PKNOX2: variants seen among roughly 807,000 people sequenced by gnomAD.
PKNOX2 encodes the protein homeobox protein PKNOX2.
PKNOX2 carries 14 observed loss-of-function variants against 53.1 expected under a neutral mutation model. That is an observed-to-expected ratio of 0.26 (90% CI 0.17 to 0.41). PKNOX2 has a LOEUF of 0.41. Ranked by LOEUF, PKNOX2 falls within the 10% of genes least tolerant of loss-of-function variation. The pLI is 1.00. For missense variants in PKNOX2, 496 were observed against 602.8 expected (o/e 0.82, Z 1.85); for synonymous variants, 257 against 242.8 (o/e 1.06, Z -0.54).
chr11:125,200,605 C>A (rs933998129), intron 1 of PKNOX2, among the ~76,000 whole-genome samples: 4 of 152,344 alleles, frequency 2.6e-5, no homozygotes, highest in African/African-American at 9.6e-5. Context: ...CCAACCTCCC[C>A]CTGGCCCTCC....
rs546278784 is a variant in PKNOX2 at position 125,300,415 on chromosome 11, C to T, written c.-129-31404C>T. On this transcript the variant is annotated intron_variant, in intron 2 of 12. Coordinates refer to ENST00000298282, the MANE Select transcript of PKNOX2 (RefSeq NM_001382323.2). ...AGTATCCCCATTTTACAGATGAGGC[C>T]ATTGAGGCAGAGAGAGGTTAAGCAG... Among the ~76,000 whole-genome samples the T allele has an allele frequency of 2.2e-3, 337 of 152,264 alleles. 2 individuals carry two copies. The highest frequency in any genetic ancestry group is 3.9e-3 in the Non-Finnish European group (264 of 68,030).
In PKNOX2 at chr11:125,264,178, A is replaced by G. The variant is rs868616813; in HGVS notation, c.-130+29063A>G. On this transcript the variant is annotated intron_variant, in intron 2 of 12. Transcript: ENST00000298282. Reference sequence around the variant, plus strand: ...ATTATGGGAGCTACAAGGGACCTCCATCCATTTTCTGGATAAGGAACCGGG... The same window carrying G: ...ATTATGGGAGCTACAAGGGACCTCCGTCCATTTTCTGGATAAGGAACCGGG... Among the ~76,000 whole-genome samples the G allele has an allele frequency of 6.8e-4, 103 of 152,196 alleles. 1 individual carries two copies. Among genetic ancestry groups the G allele is most frequent in the South Asian group, 1.2e-3 (6 of 4,826 alleles).
intron 10 of PKNOX2, among the ~76,000 whole-genome samples, chr11:125,423,055 C>T (rs979412180): frequency 6.6e-6 from 1 of 151,892 alleles, no homozygotes; most frequent in African/African-American, 2.4e-5. Flanking sequence ...CACACACACA[C>T]ACACACATAT....
At chr11:125,343,131 TA>T (rs1277678302) in intron 3 of PKNOX2, among the ~76,000 whole-genome samples, 2 of 151,176 alleles carry the variant, frequency 1.3e-5, no homozygotes, top group Admixed American at 1.3e-4. Flanking sequence ...GGGTGAACAA[TA>T]GGGGGAGGGG....
chr11:125,320,973 A>T (rs145746807), intron 2 of PKNOX2, among the ~76,000 whole-genome samples: 1 of 152,298 alleles, frequency 6.6e-6, no homozygotes, highest in East Asian at 1.9e-4. Context: ...TTTGGATGAT[A>T]TATTGTGGGG....
At chr11:125,421,258 C>T (rs1480907047) in intron 10 of PKNOX2, among the ~76,000 whole-genome samples, 2 of 152,114 alleles carry the variant, frequency 1.3e-5, no homozygotes, top group Non-Finnish European at 2.9e-5. Flanking sequence ...AAGAGTGTGT[C>T]CAGGCACTAG....
chr11:125,431,417 C>A lies in PKNOX2; in HGVS notation c.*25C>A. ...GTCGGGCAGCCCAGATGGCACTGAT[C>A]ACTGAGCAGGAGAGGAGTGTCGCCG... On this transcript the variant is annotated 3_prime_UTR_variant, in exon 13 of 13. Transcript: ENST00000298282. 1 of 1,543,214 alleles carries A rather than the reference C, an allele frequency of 6.5e-7. No homozygotes were observed. The highest frequency in any genetic ancestry group is 1.2e-5 in the South Asian group (1 of 86,740).
chr11:125,407,252 T>G (rs1206936356), intron 7 of PKNOX2, among the ~76,000 whole-genome samples: 8 of 152,174 alleles, frequency 5.3e-5, no homozygotes, highest in Non-Finnish European at 1.2e-4. Context: ...TTGGGTAAAT[T>G]GGCATGGAGG....
chr11:125,267,750 C>CGTGTGTGTGTGCAT (rs1945472599), intron 2 of PKNOX2, among the ~76,000 whole-genome samples: 1 of 146,938 alleles, frequency 6.8e-6, no homozygotes, highest in Non-Finnish European at 1.5e-5. Context: ...CATGTGTGCG[C>CGTGTGTGTGTGCAT]GTGTGTGTGT....
intron 1 of PKNOX2, among the ~76,000 whole-genome samples, chr11:125,223,634 G>C (rs1239317582): frequency 6.6e-6 from 1 of 152,158 alleles, no homozygotes; most frequent in Non-Finnish European, 1.5e-5. Context: ...AAGGGCCTGA[G>C]AGTTTTCCTT....
intron 5 of PKNOX2, among the ~76,000 whole-genome samples, chr11:125,385,228 T>A (rs1231113357): frequency 6.6e-6 from 1 of 152,190 alleles, no homozygotes; most frequent in East Asian, 1.9e-4. Context: ...GAGCCAGAAA[T>A]GGACACCTAC....
At chr11:125,324,261 C>A (rs1187818860) in intron 2 of PKNOX2, among the ~76,000 whole-genome samples, 1 of 152,162 alleles carries the variant, frequency 6.6e-6, no homozygotes, top group Non-Finnish European at 1.5e-5. Flanking sequence ...AACTTTCTAA[C>A]CTCAGTTTTC....
chr11:125,410,933 C>A, intron 9 of PKNOX2, 57 bp downstream of exon 9: 2 of 1,433,762 alleles, frequency 1.4e-6, no homozygotes, highest in South Asian at 1.2e-5. Context: ...CACCTGTAAT[C>A]GCTTCTTATC....
At position 125,431,499 on chromosome 11, in the gene PKNOX2, G is replaced by A. The variant is rs1956703254; in HGVS notation, c.*107G>A. Reference sequence around the variant, plus strand: ...TGGGCAGGAAGCACCGAGGGAGTTGGGCCCTAGCTTCCCCAAATCAGTAGC... The same window carrying A: ...TGGGCAGGAAGCACCGAGGGAGTTGAGCCCTAGCTTCCCCAAATCAGTAGC... On this transcript the variant is annotated 3_prime_UTR_variant, in exon 13 of 13. Transcript: ENST00000298282. The A allele has an allele frequency of 2.7e-6, 3 of 1,104,800 alleles. No homozygotes were observed. The highest frequency in any genetic ancestry group is 3.8e-4 in the Middle Eastern group (1 of 2,656). 68.4% of individuals were successfully genotyped at this position (1,104,800 alleles called of 1,614,324 possible).
At chr11:125,384,767 CACCACA>C (rs1953507564) in intron 5 of PKNOX2, among the ~76,000 whole-genome samples, 1 of 152,158 alleles carries the variant, frequency 6.6e-6, no homozygotes, top group African/African-American at 2.4e-5. Flanking sequence ...CCGCCCCGAC[CACCACA>C]CATACCCTCT....
chr11:125,408,533 C>G (rs1361089950), intron 7 of PKNOX2, among the ~76,000 whole-genome samples: 1 of 152,242 alleles, frequency 6.6e-6, no homozygotes, highest in Non-Finnish European at 1.5e-5. Context: ...CTTGGCTCCT[C>G]TCCTCCTGGC....
In PKNOX2 at chr11:125,422,557, T is replaced by TG. The variant is rs1337630710; in HGVS notation, c.937-6453dup. Among the ~76,000 whole-genome samples the TG allele has an allele frequency of 6.6e-6, 1 of 151,918 alleles. No homozygotes were observed. Among genetic ancestry groups the TG allele is most frequent in the Non-Finnish European group, 1.5e-5 (1 of 67,998 alleles). On this transcript the variant is annotated intron_variant, in intron 10 of 12. Transcript: ENST00000298282. This position sits in a 1 kb window ranked among gnomAD's most constrained non-coding sequence, Gnocchi z 4.1. Reference sequence around the variant, plus strand: ...AATGTGTCCCCAGGGAAGGAAGAATTGGATTGATGCTTCTCCATCCAAGAC... The same window carrying TG: ...AATGTGTCCCCAGGGAAGGAAGAATTGGGATTGATGCTTCTCCATCCAAGAC...
At chr11:125,341,236 G>T (rs528593257) in intron 3 of PKNOX2, among the ~76,000 whole-genome samples, 3 of 151,070 alleles carry the variant, frequency 2.0e-5, no homozygotes, top group African/African-American at 7.3e-5. Context: ...CACGCCTGTA[G>T]TCCCAGCTAC....
chr11:125,178,299 G>T (rs985250396), intron 1 of PKNOX2, among the ~76,000 whole-genome samples: 5 of 151,918 alleles, frequency 3.3e-5, no homozygotes, highest in Non-Finnish European at 7.4e-5. Context: ...ATCATCTCAG[G>T]TTGGGAGATC....
Sources: allele counts gnomAD v4.1 joint callset (sites outside exome capture counted in the v4.1 genomes callset), GRCh38; gene constraint gnomAD v4.1.1; non-coding constraint Gnocchi (gnomAD v3.1); transcripts MANE v1.5; gene names NCBI Gene and HGNC (gene_info 2026-07-23, HGNC 2026-07-21).